The following DPP10 variants were observed in gnomAD, a reference collection of about 807,000 sequenced individuals.
DPP10 encodes dipeptidyl peptidase like 10, also known as inactive dipeptidyl peptidase 10.
A neutral mutation model predicts 120.9 loss-of-function variants in DPP10; 33 were observed. The ratio of observed to expected loss-of-function variants is 0.27; its 90% CI spans 0.21 to 0.37. The LOEUF is 0.37. Ranked by LOEUF, DPP10 falls within the 10% of genes least tolerant of loss-of-function variation. The probability of loss-of-function intolerance (pLI) is 1.00; values close to 1 mark genes in which losing one functional copy is unlikely to be tolerated. For missense variants in DPP10, 816 were observed against 942.8 expected (o/e 0.87, Z 1.76); for synonymous variants, 337 against 326.1 (o/e 1.03, Z -0.36).
At chr2:115,192,294 C>T (rs1056969522) in intron 1 of DPP10, among the ~76,000 whole-genome samples, 1 of 152,322 alleles carries the variant, frequency 6.6e-6, no homozygotes, top group Non-Finnish European at 1.5e-5. Flanking sequence ...ATACTTTAGA[C>T]GACCAATTGG....
chr2:114,460,841 A>C (rs1678866051), intron 1 of DPP10, among the ~76,000 whole-genome samples: 2 of 152,196 alleles, frequency 1.3e-5, no homozygotes, highest in Non-Finnish European at 2.9e-5. Flanking sequence ...TTTTTATGTC[A>C]ATTAAATGAG....
chr2:115,483,736 G>A (rs1352959874), intron 3 of DPP10, among the ~76,000 whole-genome samples: 2 of 151,998 alleles, frequency 1.3e-5, no homozygotes, highest in Non-Finnish European at 2.9e-5. Context: ...CAGCCTTACT[G>A]GCAGACTTAC....
intron 1 of DPP10, among the ~76,000 whole-genome samples, chr2:114,569,836 G>A (rs1045306046): frequency 2.0e-5 from 3 of 152,072 alleles, no homozygotes; most frequent in Non-Finnish European, 4.4e-5. Flanking sequence ...ACACACACGT[G>A]TGCACGCCTA....
chr2:115,528,967 T>TCTTGACCTGGTTGTTTA (rs1211980598), intron 5 of DPP10, among the ~76,000 whole-genome samples: 1 of 152,106 alleles, frequency 6.6e-6, no homozygotes, highest in Non-Finnish European at 1.5e-5. Flanking sequence ...CTTGTTGTTT[T>TCTTGACCTGGTTGTTTA]CTTGACCTGG....
chr2:115,708,044 T>C lies in DPP10; in HGVS notation c.576+18123T>C, dbSNP rs191957187. On this transcript the variant is annotated intron_variant, in intron 7 of 25. Transcript: ENST00000410059. ...GATATCTTATTTTCTGAAGTGTATG[T>C]CAGCAGCAATGATCACATACAATGG... is the stretch of plus-strand genomic sequence containing the variant. Among the ~76,000 whole-genome samples the C allele has an allele frequency of 6.6e-5, 10 of 152,090 alleles. No homozygotes were observed. The South Asian group carries it at 1.4e-3, about 22-fold the overall frequency.
At chr2:114,755,254 C>A (rs1252729917) in intron 1 of DPP10, among the ~76,000 whole-genome samples, 1 of 152,122 alleles carries the variant, frequency 6.6e-6, no homozygotes, top group African/African-American at 2.4e-5. Context: ...CCATTGTGTA[C>A]CTAGCATTAG....
chr2:115,160,684 T>C (rs916874197), intron 1 of DPP10, among the ~76,000 whole-genome samples: 5 of 152,184 alleles, frequency 3.3e-5, no homozygotes, highest in Non-Finnish European at 7.3e-5. Context: ...GTCCACAGGC[T>C]TTAGGCGCCC....
chr2:115,267,892 C>G (rs2059527971), intron 1 of DPP10, among the ~76,000 whole-genome samples: 1 of 152,150 alleles, frequency 6.6e-6, no homozygotes, highest in Admixed American at 6.5e-5. Context: ...TGTGTGTCCA[C>G]TCATTTCATA....
At position 115,126,509 on chromosome 2, in the gene DPP10, T is replaced by C. The variant is rs575357279; in HGVS notation, c.61-182730T>C. ...TTGAAAGATATTTATTTAAAAGTGATATTAATGATATAAATAGATAAAAGA... is the reference window on the plus strand; with the variant it reads ...TTGAAAGATATTTATTTAAAAGTGACATTAATGATATAAATAGATAAAAGA... On this transcript the variant is annotated intron_variant, in intron 1 of 25. Coordinates refer to ENST00000410059, the MANE Select transcript of DPP10 (RefSeq NM_020868.6). Among the ~76,000 whole-genome samples, 15 of 152,314 alleles carry C rather than the reference T, an allele frequency of 9.8e-5. No individual in the cohort carries two copies. In the East Asian group the frequency reaches 2.7e-3, roughly 27 times the overall value.
intron 4 of DPP10, among the ~76,000 whole-genome samples, chr2:115,511,651 T>A (rs2077227806): frequency 6.6e-6 from 1 of 151,526 alleles, no homozygotes; most frequent in Non-Finnish European, 1.5e-5. Context: ...TAGGTAGAAG[T>A]TTAAGCTATT....
At chr2:115,269,248 T>C (rs1452921001) in intron 1 of DPP10, among the ~76,000 whole-genome samples, 1 of 152,194 alleles carries the variant, frequency 6.6e-6, no homozygotes, top group Non-Finnish European at 1.5e-5. Context: ...GATTGGGCAT[T>C]AAAGAATAAC....
intron 3 of DPP10, among the ~76,000 whole-genome samples, chr2:115,374,269 T>C (rs1352298640): frequency 6.6e-6 from 1 of 152,130 alleles, no homozygotes; most frequent in Non-Finnish European, 1.5e-5. Flanking sequence ...GTACAGGCAT[T>C]GTGCAAATAC....
At chr2:114,760,453 G>T (rs969426141) in intron 1 of DPP10, among the ~76,000 whole-genome samples, 1 of 152,076 alleles carries the variant, frequency 6.6e-6, no homozygotes, top group Non-Finnish European at 1.5e-5. Context: ...GTCAGTTAAA[G>T]CAGGTCTTCA....
chr2:115,490,095 G>A (rs4378817), intron 3 of DPP10, among the ~76,000 whole-genome samples: 20,927 of 152,038 alleles, frequency 0.14, 3,160 homozygotes, highest in African/African-American at 0.36. Context: ...ACATCTTTAG[G>A]CTGAACCCAG....
chr2:114,563,420 AAG>A (rs1553462460), intron 1 of DPP10, among the ~76,000 whole-genome samples: 1 of 152,130 alleles, frequency 6.6e-6, no homozygotes, highest in Non-Finnish European at 1.5e-5. Context: ...TAGCTGTATG[AAG>A]AGAGTGACTA....
At chr2:115,509,686 GAACAC>G (rs1244384180) in intron 4 of DPP10, among the ~76,000 whole-genome samples, 1 of 151,894 alleles carries the variant, frequency 6.6e-6, no homozygotes, top group Non-Finnish European at 1.5e-5. Context: ...TAAAACAAAA[GAACAC>G]AAAACAAAAC....
chr2:115,294,136 A>G (rs1048299210), intron 1 of DPP10, among the ~76,000 whole-genome samples: 7 of 152,084 alleles, frequency 4.6e-5, no homozygotes, highest in African/African-American at 1.7e-4. Context: ...GTTAAGTGCT[A>G]CCAGAGGGAT....
chr2:115,087,711 G>A (rs936458452), intron 1 of DPP10, among the ~76,000 whole-genome samples: 3 of 151,366 alleles, frequency 2.0e-5, no homozygotes, highest in Admixed American at 6.6e-5. Context: ...GCATCACCAC[G>A]CCCAGCTAAT....
At chr2:114,725,069 G>T (rs1197855815) in intron 1 of DPP10, among the ~76,000 whole-genome samples, 1 of 152,076 alleles carries the variant, frequency 6.6e-6, no homozygotes, top group Non-Finnish European at 1.5e-5. Context: ...AAACAACTTC[G>T]TATCAGCCCA....
Sources: allele counts gnomAD v4.1 joint callset (sites outside exome capture counted in the v4.1 genomes callset), GRCh38; gene constraint gnomAD v4.1.1; transcripts MANE v1.5; gene names NCBI Gene and HGNC (gene_info 2026-07-23, HGNC 2026-07-21).